ROBO1: variants seen among roughly 807,000 people sequenced by gnomAD.
The protein encoded by ROBO1 is roundabout guidance receptor 1.
ROBO1 carries 149 observed loss-of-function variants against 195.9 expected under a neutral mutation model. The ratio of observed to expected loss-of-function variants is 0.76; its 90% CI spans 0.67 to 0.87. ROBO1 has a LOEUF of 0.87. Ranked by LOEUF, ROBO1 falls within the 40% of genes least tolerant of loss-of-function variation. The pLI, the probability that ROBO1 is intolerant of heterozygous loss-of-function variation, is 0.00. For synonymous variants in ROBO1, 816 were observed against 733.2 expected, an observed-to-expected ratio of 1.11 and a Z score of -1.82; for missense variants, 1,933 against 2,068.3, an observed-to-expected ratio of 0.93 and a Z score of 1.27.
At chr3:78,925,880 T>A (rs1036111337) in intron 4 of ROBO1, among the ~76,000 whole-genome samples, 4 of 152,036 alleles carry the variant, frequency 2.6e-5, no homozygotes, top group African/African-American at 9.7e-5. Flanking sequence ...AATGTACTTT[T>A]TTTTTTTTGA....
At chr3:79,578,072 A>G (rs1481132542) in intron 2 of ROBO1, among the ~76,000 whole-genome samples, 2 of 152,166 alleles carry the variant, frequency 1.3e-5, no homozygotes, top group Admixed American at 1.3e-4. Context: ...ATATACAATT[A>G]AGGAATTAAA....
chr3:78,619,791 G>A (rs1575786658), intron 26 of ROBO1, among the ~76,000 whole-genome samples: 1 of 152,000 alleles, frequency 6.6e-6, no homozygotes, highest in East Asian at 2.0e-4. Context: ...GCTGAGGTGG[G>A]TGGATCACCT....
chr3:79,215,126 A>T (rs573589884), intron 2 of ROBO1, among the ~76,000 whole-genome samples: 1 of 152,222 alleles, frequency 6.6e-6, no homozygotes, highest in South Asian at 2.1e-4. Context: ...AGTGCTAATG[A>T]ATCAGAGCAA....
At chr3:79,284,179 T>C (rs2031735492) in intron 2 of ROBO1, among the ~76,000 whole-genome samples, 1 of 151,928 alleles carries the variant, frequency 6.6e-6, no homozygotes. Context: ...GATATGTCGA[T>C]GTTCTTTCTT....
chr3:79,597,128 CGTGTGTGTGT>C (rs10597144), intron 1 of ROBO1, among the ~76,000 whole-genome samples: 1 of 149,276 alleles, frequency 6.7e-6, no homozygotes, highest in Non-Finnish European at 1.5e-5. Context: ...TGTGCATGCA[CGTGTGTGTGT>C]GTGTGTGTGT....
At chr3:79,582,171 A>G (rs533345999) in intron 2 of ROBO1, among the ~76,000 whole-genome samples, 1 of 151,914 alleles carries the variant, frequency 6.6e-6, no homozygotes, top group Admixed American at 6.6e-5. Context: ...TATTTTCTAT[A>G]CAATATTTAG....
At chr3:78,655,638 A>T (rs1252531539) in intron 18 of ROBO1, among the ~76,000 whole-genome samples, 1 of 152,220 alleles carries the variant, frequency 6.6e-6, no homozygotes, top group Non-Finnish European at 1.5e-5. Flanking sequence ...CATCAATAAT[A>T]TTCTTCAAAA....
At chr3:79,610,355 G>A (rs994083495) in intron 1 of ROBO1, among the ~76,000 whole-genome samples, 4 of 111,444 alleles carry the variant, frequency 3.6e-5, no homozygotes, top group Non-Finnish European at 6.1e-5. Context: ...TTAAGTGAAC[G>A]TGGGCTCCCT....
chr3:79,032,319 C>A (rs78379601), intron 3 of ROBO1, among the ~76,000 whole-genome samples: 7 of 151,882 alleles, frequency 4.6e-5, no homozygotes, highest in Non-Finnish European at 7.4e-5. Context: ...CAAGATTTTT[C>A]TTCCATTGCA....
chr3:78,688,861 T>C, intron 8 of ROBO1, 89 bp from the exon 9 acceptor site: 1 of 1,285,704 alleles, frequency 7.8e-7, no homozygotes, highest in Non-Finnish European at 1.0e-6. Flanking sequence ...AGTGCTGCTG[T>C]TATTTTATAC....
At chr3:78,849,168 T>A (rs1559921035) in intron 4 of ROBO1, among the ~76,000 whole-genome samples, 1 of 152,104 alleles carries the variant, frequency 6.6e-6, no homozygotes, top group Non-Finnish European at 1.5e-5. Context: ...ACAGTAAGCT[T>A]GAGGTGTGTT....
At chr3:79,048,438 C>T (rs1044341957) in intron 3 of ROBO1, among the ~76,000 whole-genome samples, 8 of 152,110 alleles carry the variant, frequency 5.3e-5, no homozygotes, top group African/African-American at 1.9e-4. Context: ...CTCTAACAGG[C>T]ATTTGCCGTA....
intron 4 of ROBO1, among the ~76,000 whole-genome samples, chr3:78,905,501 C>T (rs1026535400): frequency 1.3e-5 from 2 of 151,946 alleles, no homozygotes; most frequent in African/African-American, 2.4e-5. Flanking sequence ...CACCTATAGT[C>T]CCAGCTACTC....
intron 4 of ROBO1, among the ~76,000 whole-genome samples, chr3:78,772,652 G>A (rs1222316093): frequency 1.3e-5 from 2 of 151,840 alleles, no homozygotes; most frequent in African/African-American, 2.4e-5. Flanking sequence ...TCTCCAATGA[G>A]ACAGTAGACC....
At chr3:79,336,177 G>A (rs1043363822) in intron 2 of ROBO1, among the ~76,000 whole-genome samples, 2 of 152,184 alleles carry the variant, frequency 1.3e-5, no homozygotes, top group Non-Finnish European at 2.9e-5. Context: ...AGAAATTCAA[G>A]CCCACTGCAG....
intron 3 of ROBO1, among the ~76,000 whole-genome samples, chr3:79,013,249 C>T (rs1462736150): frequency 6.6e-6 from 1 of 152,116 alleles, no homozygotes; most frequent in Non-Finnish European, 1.5e-5. Context: ...ATCTTTCCTC[C>T]AGTGTGCAAG....
At chr3:79,582,371 C>T (rs929340875) in intron 2 of ROBO1, among the ~76,000 whole-genome samples, 7 of 151,496 alleles carry the variant, frequency 4.6e-5, no homozygotes, top group Non-Finnish European at 8.8e-5. Context: ...ATCTGAATAA[C>T]TCCAGAAGTT....
At chr3:78,816,873 T>C (rs1262948116) in intron 4 of ROBO1, among the ~76,000 whole-genome samples, 1 of 152,108 alleles carries the variant, frequency 6.6e-6, no homozygotes, top group Non-Finnish European at 1.5e-5. Flanking sequence ...CTGCTCCTAG[T>C]GAGGATACTG....
intron 1 of ROBO1, among the ~76,000 whole-genome samples, chr3:79,667,808 T>G (rs2106877190): frequency 6.6e-6 from 1 of 151,924 alleles, no homozygotes; most frequent in Non-Finnish European, 1.5e-5. Context: ...AAATAAATTT[T>G]CAAGTAAAAC....
Sources: allele counts gnomAD v4.1 joint callset (sites outside exome capture counted in the v4.1 genomes callset), GRCh38; gene constraint gnomAD v4.1.1; transcripts MANE v1.5; gene names NCBI Gene and HGNC (gene_info 2026-07-23, HGNC 2026-07-21).